TMEM161B: variants seen among roughly 807,000 people sequenced by gnomAD.
TMEM161B encodes transmembrane protein 161B.
Under a neutral mutation model 61.8 loss-of-function variants are expected in TMEM161B, and 34 were observed. The ratio of observed to expected loss-of-function variants is 0.55; its 90% CI spans 0.42 to 0.73. TMEM161B has a LOEUF of 0.73. Ranked by LOEUF, TMEM161B falls within the 30% of genes least tolerant of loss-of-function variation. The pLI, the probability that TMEM161B is intolerant of heterozygous loss-of-function variation, is 0.00. For missense variants in TMEM161B, 456 were observed against 558.5 expected, an observed-to-expected ratio of 0.82 and a Z score of 1.85; for synonymous variants, 167 against 192.8, an observed-to-expected ratio of 0.87 and a Z score of 1.11.
At chr5:88,256,000 A>T (rs985576641) in intron 1 of TMEM161B, among the ~76,000 whole-genome samples, 2 of 152,180 alleles carry the variant, frequency 1.3e-5, no homozygotes, top group Non-Finnish European at 2.9e-5. Context: ...TCAGATTTTG[A>T]TTAAATTTAG....
intron 5 of TMEM161B, among the ~76,000 whole-genome samples, chr5:88,216,532 CAT>C (rs1318910576): frequency 1.3e-5 from 2 of 152,176 alleles, no homozygotes; most frequent in Non-Finnish European, 2.9e-5. Flanking sequence ...TCAGCTGACA[CAT>C]GATTAGTATT....
At chr5:88,212,228 ATAAAAT>A (rs1385798591) in intron 5 of TMEM161B, among the ~76,000 whole-genome samples, 3 of 152,248 alleles carry the variant, frequency 2.0e-5, no homozygotes, top group Non-Finnish European at 2.9e-5. Flanking sequence ...CAGAAAGAGT[ATAAAAT>A]TAAAACACTT....
At chr5:88,232,161 A>C (rs868300218) in intron 2 of TMEM161B, among the ~76,000 whole-genome samples, 7 of 152,162 alleles carry the variant, frequency 4.6e-5, no homozygotes, top group Non-Finnish European at 8.8e-5. Flanking sequence ...GGCCCTAAAC[A>C]GATCATAAAA....
intron 1 of TMEM161B, among the ~76,000 whole-genome samples, chr5:88,252,182 G>T (rs1754427919): frequency 6.6e-6 from 1 of 152,232 alleles, no homozygotes; most frequent in East Asian, 1.9e-4. Flanking sequence ...AAAGAGAAGG[G>T]AATTTCAGGC....
intron 1 of TMEM161B, among the ~76,000 whole-genome samples, chr5:88,245,896 C>T (rs564810939): frequency 6.6e-6 from 1 of 152,028 alleles, no homozygotes; most frequent in Non-Finnish European, 1.5e-5. Flanking sequence ...TGTAATAATC[C>T]AGACAAGAAA....
Position 88,225,846 on chromosome 5 carries a change from T to G in TMEM161B, c.212A>C (p.Glu71Ala). 1 of 1,609,086 alleles carries G rather than the reference T, an allele frequency of 6.2e-7. No individual in the cohort carries two copies. The highest frequency in any genetic ancestry group is 1.7e-4 in the Middle Eastern group (1 of 6,048). Residue 71 changes from glutamate to alanine, a missense_variant, in exon 4 of 12, where the codon GAA (glutamate) becomes GCA (alanine). This residue lies in a region of TMEM161B where 85 missense variants were observed against 111.2 expected (regional missense o/e 0.76). Coordinates refer to ENST00000296595, the MANE Select transcript of TMEM161B (RefSeq NM_153354.5). ...CTTTGGAATGGTTAATGGCTTACTTTCAATGTGACCATTATATTTCCTATA... is the reference window on the plus strand; with the variant it reads ...CTTTGGAATGGTTAATGGCTTACTTGCAATGTGACCATTATATTTCCTATA... Reference protein sequence around the residue: ...KKDRKYNGHIESKPLTIPKDI... With the variant: ...KKDRKYNGHIASKPLTIPKDI...
At chr5:88,220,745 A>G (rs1277837484) in intron 4 of TMEM161B, 26 bp from the exon 5 acceptor site, 1 of 1,516,750 alleles carries the variant, frequency 6.6e-7, no homozygotes. Context: ...AAAAAAAAAA[A>G]AAAAAAGGTC....
rs150088942 is a variant in TMEM161B, at chr5:88,242,073, A to G, written c.4-1157T>C. 7.1e-3 allele frequency among the ~76,000 whole-genome samples: 1,080 copies of G among 151,786 alleles called. 13 individuals carry two copies. Among genetic ancestry groups the G allele is most frequent in the African/African-American group, 0.024 (1,015 of 41,490 alleles). On this transcript the variant is annotated intron_variant, in intron 1 of 11. Transcript: ENST00000296595. ...CTCTTTTCTATTTTGAATCCTTCCT[A>G]TCAGCATTGTGTAATACCTGTAAGT...
At chr5:88,233,279 G>A (rs754786739) in intron 2 of TMEM161B, among the ~76,000 whole-genome samples, 1 of 152,220 alleles carries the variant, frequency 6.6e-6, no homozygotes, top group East Asian at 1.9e-4. Context: ...TGGTGAAAAT[G>A]TGAGAGACAG....
rs754679708 is a variant in TMEM161B at position 88,196,365 on chromosome 5, G to T, written c.1310C>A (p.Thr437Lys). ...SAEGKMKVTV[T>K]QITVALSSLK... ...GCTGCTCAGTGCCACTGTTATTTGT[G>T]TAACAGTTACCTTCATTTTCCCTTC... Residue 437 changes from threonine (T) to lysine (K), a missense_variant, in exon 12 of 12, where the codon ACA becomes AAA. Coordinates refer to ENST00000296595, the MANE Select transcript of TMEM161B (RefSeq NM_153354.5). The T allele has an allele frequency of 6.2e-7, 1 of 1,613,356 alleles. No individual in the cohort carries two copies. Among genetic ancestry groups the T allele is most frequent in the Non-Finnish European group, 8.5e-7 (1 of 1,179,528 alleles).
At chr5:88,196,622 A>T in intron 11 of TMEM161B, 134 bp from the exon 12 acceptor site, 1 of 964,528 alleles carries the variant, frequency 1.0e-6, no homozygotes, top group South Asian at 2.1e-5. Flanking sequence ...TTAAAAATAA[A>T]GTAAAATAAT....
intron 1 of TMEM161B, among the ~76,000 whole-genome samples, chr5:88,243,095 C>T (rs1477383383): frequency 2.0e-5 from 3 of 151,564 alleles, no homozygotes; most frequent in Non-Finnish European, 4.4e-5. Context: ...ATTTATTTAA[C>T]TTTTATTTTA....
At chr5:88,213,303 T>C (rs1034685404) in intron 5 of TMEM161B, among the ~76,000 whole-genome samples, 1 of 152,132 alleles carries the variant, frequency 6.6e-6, no homozygotes, top group East Asian at 1.9e-4. Flanking sequence ...TATCTTCCAA[T>C]GTTAAAAAAA....
At chr5:88,251,412 C>T (rs2112723545) in intron 1 of TMEM161B, among the ~76,000 whole-genome samples, 1 of 152,116 alleles carries the variant, frequency 6.6e-6, no homozygotes, top group East Asian at 1.9e-4. Flanking sequence ...AACTCAAGCT[C>T]CTCCCACAAT....
intron 3 of TMEM161B, among the ~76,000 whole-genome samples, chr5:88,227,641 T>A (rs1234483758): frequency 6.6e-6 from 1 of 152,250 alleles, no homozygotes; most frequent in Non-Finnish European, 1.5e-5. Flanking sequence ...TAATGTTTAA[T>A]CATTTTTTAG....
intron 9 of TMEM161B, chr5:88,201,965 A>C: frequency 3.0e-6 from 1 of 332,536 alleles, no homozygotes. Flanking sequence ...TACACTGCGG[A>C]GTCAATGACT....
chr5:88,229,553 C>A (rs1016246162), intron 2 of TMEM161B, among the ~76,000 whole-genome samples: 1 of 150,384 alleles, frequency 6.6e-6, no homozygotes, highest in Non-Finnish European at 1.5e-5. Context: ...TAATACAAAT[C>A]TTATCAAGAC....
rs1009889942 is a variant in TMEM161B, at chr5:88,268,719, A to G, written c.3+2T>C. On this transcript the variant is annotated splice_donor_variant, in intron 1 of 11. Transcript: ENST00000296595. LOFTEE classifies it high-confidence loss of function. ...CACTCCTGCCCTCACAGAAGAACTCACCATGGCGCCTAGGATAGGTCGTGG... is the reference window on the plus strand; with the variant it reads ...CACTCCTGCCCTCACAGAAGAACTCGCCATGGCGCCTAGGATAGGTCGTGG... The G allele has an allele frequency of 6.2e-7, 1 of 1,613,762 alleles. No individual in the cohort carries two copies. The highest frequency in any genetic ancestry group is 1.3e-5 in the African/African-American group (1 of 74,842).
At chr5:88,236,146 G>A (rs1030396880) in intron 2 of TMEM161B, among the ~76,000 whole-genome samples, 1 of 152,128 alleles carries the variant, frequency 6.6e-6, no homozygotes, top group Non-Finnish European at 1.5e-5. Context: ...ATATGAAGGT[G>A]TTATAACACC....
Sources: gnomAD v4.1 joint callset for allele counts (sites outside exome capture counted in the v4.1 genomes callset) on GRCh38, gnomAD v4.1.1 for gene constraint, gnomAD v4.1.1 regional missense constraint, MANE v1.5 for transcripts, NCBI Gene and HGNC (gene_info 2026-07-23, HGNC 2026-07-21) for gene names.